The following FOXP2 variants were observed in gnomAD, a reference collection of about 807,000 sequenced individuals.
FOXP2 encodes the protein forkhead box protein P2.
A neutral mutation model predicts 115.8 loss-of-function variants in FOXP2; 12 were observed. The observed-to-expected ratio is 0.10, with a 90% CI of 0.07 to 0.17. FOXP2 has a LOEUF of 0.17. FOXP2 is among the 10% of genes least tolerant of loss of function. The pLI is 1.00. For missense variants in FOXP2, 629 were observed against 843.5 expected (o/e 0.75, Z 3.15); for synonymous variants, 328 against 297.7 (o/e 1.10, Z -1.05).
chr7:114,562,055 A>G (rs1030360615), intron 3 of FOXP2, among the ~76,000 whole-genome samples: 7 of 152,106 alleles, frequency 4.6e-5, no homozygotes, highest in East Asian at 1.9e-4. Context: ...ATTCCCACAT[A>G]TAGCCCACCA....
chr7:114,162,083 G>A (rs761882025), upstream of FOXP2, among the ~76,000 whole-genome samples: 8 of 151,922 alleles, frequency 5.3e-5, no homozygotes, highest in African/African-American at 1.5e-4. Context: ...ATGCCAGGCC[G>A]AAGATATTTG....
At chr7:114,327,102 G>T (rs1228520015) in intron 2 of FOXP2, among the ~76,000 whole-genome samples, 1 of 152,102 alleles carries the variant, frequency 6.6e-6, no homozygotes, top group Non-Finnish European at 1.5e-5. Flanking sequence ...CCTGATATTT[G>T]ATCTCATTGC....
intron 1 of FOXP2, among the ~76,000 whole-genome samples, chr7:114,198,441 G>A (rs1793969959): frequency 6.6e-6 from 1 of 152,162 alleles, no homozygotes; most frequent in Admixed American, 6.5e-5. Flanking sequence ...GTAGGGGATA[G>A]GGCTGATGGT....
intron 1 of FOXP2, among the ~76,000 whole-genome samples, chr7:114,146,745 C>T (rs1019830046): frequency 1.3e-5 from 2 of 152,170 alleles, no homozygotes; most frequent in Non-Finnish European, 2.9e-5. Flanking sequence ...GTTGCCATTG[C>T]TGTGTGTGAC....
chr7:114,379,389 G>C (rs1008475291), intron 2 of FOXP2, among the ~76,000 whole-genome samples: 8 of 152,122 alleles, frequency 5.3e-5, no homozygotes, highest in Admixed American at 6.5e-5. Flanking sequence ...AGTCAGCCTA[G>C]GAAATCCAGC....
At chr7:114,238,791 A>G (rs1410464942) in intron 1 of FOXP2, among the ~76,000 whole-genome samples, 1 of 151,928 alleles carries the variant, frequency 6.6e-6, no homozygotes, top group Non-Finnish European at 1.5e-5. Context: ...CCAAAAAAAC[A>G]AAAAACAAAC....
chr7:114,486,069 A>T (rs557786219), intron 2 of FOXP2, among the ~76,000 whole-genome samples: 71 of 152,296 alleles, frequency 4.7e-4, no homozygotes, highest in Admixed American at 3.9e-3. Context: ...ACATATTTTG[A>T]ACCATACAAA....
intron 1 of FOXP2, among the ~76,000 whole-genome samples, chr7:114,284,651 A>G (rs1796422212): frequency 6.6e-6 from 1 of 152,184 alleles, no homozygotes. Flanking sequence ...AACTGTGGCT[A>G]TTCTGTAAAG....
At chr7:114,157,781 G>T (rs1168543820) in intron 1 of FOXP2, among the ~76,000 whole-genome samples, 1 of 152,044 alleles carries the variant, frequency 6.6e-6, no homozygotes, top group South Asian at 2.1e-4. Context: ...CAAAAGGTAT[G>T]TCTGGCATAT....
chr7:114,234,076 CGT>C (rs1554352392), intron 1 of FOXP2, among the ~76,000 whole-genome samples: 1 of 152,094 alleles, frequency 6.6e-6, no homozygotes, highest in Non-Finnish European at 1.5e-5. Context: ...ATTGAGATTA[CGT>C]GTGTTTTTCT....
chr7:114,628,783 A>G, intron 4 of FOXP2, 106 bp downstream of exon 4: 2 of 1,362,052 alleles, frequency 1.5e-6, no homozygotes, highest in Non-Finnish European at 2.1e-6. Context: ...ATTTGAAAGG[A>G]CAACCTATTA....
chr7:114,679,362 G>A (rs1293007711), intron 16 of FOXP2, among the ~76,000 whole-genome samples: 5 of 152,120 alleles, frequency 3.3e-5, no homozygotes, highest in Non-Finnish European at 5.9e-5. Flanking sequence ...TACCACCTTA[G>A]TGGTCTGACC....
chr7:114,180,843 A>G (rs1793437002), intron 1 of FOXP2, among the ~76,000 whole-genome samples: 1 of 151,888 alleles, frequency 6.6e-6, no homozygotes, highest in Non-Finnish European at 1.5e-5. Context: ...CACTGCAATG[A>G]TCTCTTAATT....
chr7:114,132,073 A>G (rs941203020), intron 1 of FOXP2, among the ~76,000 whole-genome samples: 1 of 150,732 alleles, frequency 6.6e-6, no homozygotes, highest in Non-Finnish European at 1.5e-5. Context: ...AACTAATATT[A>G]AATTATAATT....
intron 3 of FOXP2, among the ~76,000 whole-genome samples, chr7:114,537,530 T>G (rs896272637): frequency 6.6e-6 from 1 of 151,644 alleles, no homozygotes; most frequent in Non-Finnish European, 1.5e-5. Context: ...TTCTTTTCTC[T>G]GTTAAGAAGT....
intron 2 of FOXP2, among the ~76,000 whole-genome samples, chr7:114,465,068 T>C (rs1332337763): frequency 6.6e-6 from 1 of 152,168 alleles, no homozygotes; most frequent in Non-Finnish European, 1.5e-5. Context: ...ATAGTTGATT[T>C]AGGTAAGCTA....
intron 1 of FOXP2, among the ~76,000 whole-genome samples, chr7:114,216,228 T>C (rs1794481402): frequency 6.6e-6 from 1 of 152,204 alleles, no homozygotes; most frequent in Admixed American, 6.5e-5. Context: ...CTCATGAACA[T>C]GTGCGGCGAA....
intron 1 of FOXP2, among the ~76,000 whole-genome samples, chr7:114,420,308 A>G (rs1793561585): frequency 6.6e-6 from 1 of 151,896 alleles, no homozygotes; most frequent in Non-Finnish European, 1.5e-5. Flanking sequence ...AGCTTGCACA[A>G]CTCAATCACT....
chr7:114,262,074 CA>C (rs999725514), intron 1 of FOXP2, among the ~76,000 whole-genome samples: 6 of 151,218 alleles, frequency 4.0e-5, no homozygotes, highest in Non-Finnish European at 5.9e-5. Context: ...CAAAACAAAA[CA>C]AAAAAAATGC....
Sources: allele counts gnomAD v4.1 joint callset (sites outside exome capture counted in the v4.1 genomes callset), GRCh38; gene constraint gnomAD v4.1.1; transcripts MANE v1.5; gene names NCBI Gene and HGNC (gene_info 2026-07-23, HGNC 2026-07-21).